Variants in RNF17 observed in about 807,000 individuals in gnomAD.
The protein encoded by RNF17 is spermatogenesis associated 23.
In RNF17, 31 loss-of-function variants were observed where a neutral mutation model predicts 200.5. The ratio of observed to expected loss-of-function variants is 0.15; its 90% confidence interval spans 0.12 to 0.21. RNF17 has a LOEUF of 0.21. Among genes scored for constraint, RNF17 ranks in the 10% least tolerant of loss-of-function variants. RNF17 has a pLI of 1.00. For missense variants in RNF17, 1,628 were observed against 1,905.1 expected (o/e 0.85, Z 2.71); for synonymous variants, 606 against 637.8 (o/e 0.95, Z 0.75).
chr13:24,874,371 A>C, intron 33 of RNF17, 122 bp downstream of exon 33: 2 of 787,418 alleles, frequency 2.5e-6, no homozygotes, highest in Non-Finnish European at 3.7e-6. Flanking sequence ...ATAAATTAGG[A>C]ATTTTTTTCG....
In RNF17 at chr13:24,868,631, T is replaced by G; in HGVS notation, c.4193T>G (p.Leu1398Arg). Residue 1398 changes from leucine to arginine, a missense_variant, in exon 31 of 36, where the codon CTT becomes CGT. Transcript: ENST00000255324. Reference protein sequence around the residue: ...ELLSAETDTPLLPPYLSSSLP... With the variant: ...ELLSAETDTPRLPPYLSSSLP... The stretch of plus-strand genomic sequence containing the variant: ...CTTTCGGCTGAAACAGACACTCCTC[T>G]TTTACCACCATATTTGTCTTCATCT... 5 of 1,609,700 alleles carry G rather than the reference T, an allele frequency of 3.1e-6. No homozygotes were observed. Among genetic ancestry groups the G allele is most frequent in the Non-Finnish European group, 4.3e-6 (5 of 1,176,106 alleles).
chr13:24,801,267 CT>C (rs968537202), intron 13 of RNF17, among the ~76,000 whole-genome samples: 5 of 152,106 alleles, frequency 3.3e-5, no homozygotes, highest in Admixed American at 6.5e-5. Flanking sequence ...AAGCTATTCT[CT>C]TTTTTTGTTT....
chr13:24,767,833 A>G (rs1323826972), intron 2 of RNF17, among the ~76,000 whole-genome samples: 7 of 152,106 alleles, frequency 4.6e-5, no homozygotes, highest in African/African-American at 1.4e-4. Flanking sequence ...AACTTTTTCT[A>G]TCCATTTTAT....
rs1323987833 is a variant in RNF17, at chr13:24,851,692, G to A, written c.3320+121G>A. The A allele has an allele frequency of 6.4e-6, 4 of 627,580 alleles. No individual in the cohort carries two copies. In the East Asian group the frequency reaches 8.7e-5, roughly 14 times the overall value. The allele number at this position is 627,580 out of a possible 1,614,324, so 38.9% of individuals were successfully genotyped here. ...CTTGTTTGCTCTTAAAGATTTATAA[G>A]CTGACCCTGAGGAGCCAGCTCAGAA... On this transcript the variant is annotated intron_variant, in intron 24 of 35. Transcript: ENST00000255324.
intron 15 of RNF17, among the ~76,000 whole-genome samples, chr13:24,808,145 A>C (rs1437236966): frequency 6.6e-6 from 1 of 151,080 alleles, no homozygotes; most frequent in Non-Finnish European, 1.5e-5. Flanking sequence ...TTTTGGTTCC[A>C]TATGAACTTT....
At chr13:24,816,518 A>AT (rs1887428887) in intron 15 of RNF17, among the ~76,000 whole-genome samples, 1 of 152,016 alleles carries the variant, frequency 6.6e-6, no homozygotes, top group South Asian at 2.1e-4. Context: ...CTTTACACAT[A>AT]TTTTCTTTAA....
intron 31 of RNF17, 63 bp from the exon 32 acceptor site, chr13:24,870,508 C>T: frequency 1.4e-6 from 2 of 1,447,066 alleles, no homozygotes; most frequent in Non-Finnish European, 1.9e-6. Flanking sequence ...GTAATTTTGT[C>T]CACATACGTG....
At chr13:24,812,222 C>T (rs1328727706) in intron 15 of RNF17, among the ~76,000 whole-genome samples, 1 of 151,274 alleles carries the variant, frequency 6.6e-6, no homozygotes, top group Non-Finnish European at 1.5e-5. Flanking sequence ...TGGGCAATGG[C>T]GGGCGCCCCT....
At chr13:24,842,290 G>C (rs1263064734) in intron 19 of RNF17, 129 bp downstream of exon 19, 2 of 697,060 alleles carry the variant, frequency 2.9e-6, no homozygotes, top group Non-Finnish European at 4.3e-6. Flanking sequence ...AATTTTCCCT[G>C]TCCTGGACCA....
intron 13 of RNF17, among the ~76,000 whole-genome samples, chr13:24,801,143 AG>A: frequency 6.6e-6 from 1 of 152,338 alleles, no homozygotes; most frequent in South Asian, 2.1e-4. Flanking sequence ...CAAAAATAGC[AG>A]CACTGGTGTT....
intron 33 of RNF17, 75 bp downstream of exon 33, chr13:24,874,324 C>A: frequency 7.6e-7 from 1 of 1,314,584 alleles, no homozygotes; most frequent in Non-Finnish European, 1.0e-6. Context: ...AATATTTTTG[C>A]CTCTTTTAAA....
At chr13:24,842,541 T>C (rs1890748883) in intron 19 of RNF17, among the ~76,000 whole-genome samples, 1 of 152,144 alleles carries the variant, frequency 6.6e-6, no homozygotes, top group Non-Finnish European at 1.5e-5. Context: ...TTTGTAGAAA[T>C]GTTGATTTTC....
At chr13:24,762,369 T>TAAAAAAAAAAA (rs370600110), upstream of RNF17, among the ~76,000 whole-genome samples, 2 of 113,892 alleles carry the variant, frequency 1.8e-5, no homozygotes, top group Non-Finnish European at 3.4e-5. Context: ...ACTCCATTTC[T>TAAAAAAAAAAA]AAAAAAAAAA....
At chr13:24,789,536 CTAAG>C in intron 8 of RNF17, 112 bp downstream of exon 8, 1 of 940,876 alleles carries the variant, frequency 1.1e-6, no homozygotes, top group East Asian at 2.4e-5. Context: ...CAAATGTTTA[CTAAG>C]TTAGTAACCA....
chr13:24,882,557 A>ACT (rs916111970), downstream of RNF17: 2 of 152,508 alleles, frequency 1.3e-5, no homozygotes, highest in Non-Finnish European at 2.9e-5. Context: ...GCCCCCCTCC[A>ACT]CTCTCAAGTA....
intron 3 of RNF17, among the ~76,000 whole-genome samples, chr13:24,776,927 T>A (rs1229783153): frequency 2.6e-5 from 4 of 152,218 alleles, no homozygotes; most frequent in African/African-American, 4.8e-5. Context: ...TATATATGTA[T>A]AATGTCTGTT....
intron 29 of RNF17, 75 bp from the exon 30 acceptor site, chr13:24,866,069 G>T: frequency 1.3e-6 from 1 of 792,126 alleles, no homozygotes; most frequent in Non-Finnish European, 2.1e-6. Context: ...CCCAGTTTTT[G>T]TGGGGATGAA....
At chr13:24,827,132 A>G (rs983619702) in intron 16 of RNF17, among the ~76,000 whole-genome samples, 2 of 151,356 alleles carry the variant, frequency 1.3e-5, no homozygotes, top group Non-Finnish European at 2.9e-5. Context: ...GGATTTCGCC[A>G]TGTTGGTCAG....
downstream of RNF17, among the ~76,000 whole-genome samples, chr13:24,881,845 GATACATCTAT>G (rs1809712431): frequency 9.2e-6 from 1 of 108,654 alleles, no homozygotes; most frequent in South Asian, 2.7e-4. Context: ...TAGATATATA[GATACATCTAT>G]ATAGATATAT....
Sources: gnomAD v4.1 joint callset for allele counts (sites outside exome capture counted in the v4.1 genomes callset) on GRCh38, gnomAD v4.1.1 for gene constraint, MANE v1.5 for transcripts, NCBI Gene and HGNC (gene_info 2026-07-23, HGNC 2026-07-21) for gene names.